NPAS2: variants seen among roughly 807,000 people sequenced by gnomAD.
NPAS2 encodes the protein neuronal PAS domain-containing protein 2.
Under a neutral mutation model 107.5 loss-of-function variants are expected in NPAS2, and 23 were observed. That is an observed-to-expected ratio of 0.21 (90% CI 0.15 to 0.30). The LOEUF (loss-of-function observed/expected upper bound fraction) is 0.30. Among genes scored for constraint, NPAS2 ranks in the 10% least tolerant of loss-of-function variants. The pLI is 1.00. For missense variants in NPAS2, 756 were observed against 1,043.3 expected (o/e 0.72, Z 3.79); for synonymous variants, 403 against 417.5 (o/e 0.97, Z 0.42).
intron 7 of NPAS2, among the ~76,000 whole-genome samples, chr2:100,960,186 C>T (rs1010441596): frequency 5.3e-5 from 8 of 152,120 alleles, no homozygotes; most frequent in African/African-American, 1.9e-4. Context: ...CAAGACAAAA[C>T]TTTCTCAGGG....
chr2:100,960,001 G>C (rs1008524733), intron 7 of NPAS2, among the ~76,000 whole-genome samples: 2 of 152,136 alleles, frequency 1.3e-5, no homozygotes, highest in African/African-American at 4.8e-5. Flanking sequence ...TCTACCACCT[G>C]AGATCTTCCT....
At chr2:100,850,011 T>TAAAAAAAAAAAAAA (rs58359292) in intron 1 of NPAS2, among the ~76,000 whole-genome samples, 2 of 56,216 alleles carry the variant, frequency 3.6e-5, no homozygotes, top group African/African-American at 1.6e-4. Flanking sequence ...ACTCTTTTTG[T>TAAAAAAAAAAAAAA]AAAAAAAAAA....
chr2:100,919,574 CTTTAAG>C (rs1249001080), intron 2 of NPAS2, among the ~76,000 whole-genome samples: 2 of 152,144 alleles, frequency 1.3e-5, no homozygotes, highest in African/African-American at 4.8e-5. Flanking sequence ...CTCACTTCCC[CTTTAAG>C]TTGGGTCCCT....
At chr2:100,879,930 C>A (rs1304033960) in intron 1 of NPAS2, among the ~76,000 whole-genome samples, 1 of 152,120 alleles carries the variant, frequency 6.6e-6, no homozygotes, top group Admixed American at 6.5e-5. Flanking sequence ...CACAGGGACA[C>A]CGGGCCCACT....
intron 2 of NPAS2, among the ~76,000 whole-genome samples, chr2:100,909,693 G>T (rs755482275): frequency 7.3e-5 from 11 of 151,436 alleles, no homozygotes; most frequent in Non-Finnish European, 1.6e-4. Flanking sequence ...GCTCCCACAC[G>T]GGGGGAAAAA....
rs187847337 is a variant in NPAS2, at chr2:100,975,596, G to A, written c.1392+29G>A. On this transcript the variant is annotated intron_variant, in intron 14 of 20. Coordinates refer to ENST00000335681, the MANE Select transcript of NPAS2 (RefSeq NM_002518.4). Reference sequence around the variant, plus strand: ...AGTGTGTGACCCCAAACTCCTCCACGGGTGTACGCTACAATGTGGTGGGGG... The same window carrying A: ...AGTGTGTGACCCCAAACTCCTCCACAGGTGTACGCTACAATGTGGTGGGGG... 3,690 of 1,520,562 alleles carry A rather than the reference G, an allele frequency of 2.4e-3. 41 individuals carry two copies. The African/African-American group carries it at 0.029, about 12-fold the overall frequency. 94.2% of individuals were successfully genotyped at this position (1,520,562 alleles called of 1,614,324 possible).
At chr2:100,821,202 A>C (rs971462919) in intron 1 of NPAS2, 59 of 1,302,902 alleles carry the variant, frequency 4.5e-5, no homozygotes, top group Non-Finnish European at 5.9e-5. Context: ...TGCTCAAGGT[A>C]AGAAAGTTTG....
chr2:100,966,052 AT>A (rs34848307), intron 10 of NPAS2, among the ~76,000 whole-genome samples: 1,878 of 148,306 alleles, frequency 0.013, 40 homozygotes, highest in African/African-American at 0.042. Flanking sequence ...TGATGCAGGG[AT>A]TTTTTTTTTT....
intron 1 of NPAS2, among the ~76,000 whole-genome samples, chr2:100,862,648 A>T (rs1679013174): frequency 6.6e-6 from 1 of 152,134 alleles, no homozygotes; most frequent in South Asian, 2.1e-4. Flanking sequence ...GGTTATCCAC[A>T]CGTACCATGG....
chr2:100,903,151 G>A (rs1681896275), intron 1 of NPAS2, among the ~76,000 whole-genome samples: 2 of 152,170 alleles, frequency 1.3e-5, no homozygotes, highest in Non-Finnish European at 2.9e-5. Context: ...TCTGTCCAGG[G>A]GCCCCTGGTA....
intron 2 of NPAS2, among the ~76,000 whole-genome samples, chr2:100,912,230 T>C (rs1682596387): frequency 9.5e-6 from 1 of 105,078 alleles, no homozygotes. Context: ...ATTTATTTAT[T>C]TATTTATTTA....
chr2:100,882,217 C>T (rs1680393676), intron 1 of NPAS2, among the ~76,000 whole-genome samples: 1 of 152,230 alleles, frequency 6.6e-6, no homozygotes, highest in Admixed American at 6.5e-5. Context: ...ATATCACCCC[C>T]AGGAAGGCGG....
chr2:100,849,898 G>A (rs892697615), intron 1 of NPAS2, among the ~76,000 whole-genome samples: 10 of 151,592 alleles, frequency 6.6e-5, no homozygotes, highest in African/African-American at 2.4e-4. Context: ...GTAATGGTCA[G>A]GGAAAGTGGT....
chr2:100,990,806 C>A lies in NPAS2; in HGVS notation c.2045C>A (p.Pro682His), dbSNP rs769666587. The A allele has an allele frequency of 1.9e-6, 3 of 1,614,108 alleles. No individual in the cohort carries two copies. The African/African-American group carries it at 4.0e-5, about 22-fold the overall frequency. The change falls in exon 19 of 21, where the codon CCC (proline) becomes CAC (histidine). Residue 682 changes from proline (P) to histidine (H), a missense_variant. Transcript: ENST00000335681. ...LRLLLSQPIQ[P>H]MMPGSCDARQ... ...CTGTTGCTGAGCCAGCCCATCCAGC[C>A]CATGATGCCCGGGTCCTGTGACGCA... is the stretch of plus-strand genomic sequence containing the variant.
chr2:100,880,977 C>T (rs565973529), intron 1 of NPAS2, among the ~76,000 whole-genome samples: 3 of 152,232 alleles, frequency 2.0e-5, no homozygotes, highest in South Asian at 2.1e-4. Flanking sequence ...GAGTGCCTGT[C>T]GGGTGCTGCA....
chr2:100,967,638 C>A (rs1216448955), intron 10 of NPAS2, among the ~76,000 whole-genome samples: 1 of 152,140 alleles, frequency 6.6e-6, no homozygotes, highest in Non-Finnish European at 1.5e-5. Flanking sequence ...CATTCTTCTT[C>A]CTTGGATCCG....
rs375858673 is a variant in NPAS2, at chr2:100,941,139, A to G, written c.363+3297A>G. On this transcript the variant is annotated intron_variant, in intron 5 of 20. Transcript: ENST00000335681. ...TCTCTCTGTTTCCTTCACACTGCCA[A>G]CATCTCAGATGTAACAGAAGCTCAT... 4.6e-5 allele frequency among the ~76,000 whole-genome samples: 7 copies of G among 152,338 alleles called. No homozygotes were observed. The East Asian group carries it at 9.6e-4, about 21-fold the overall frequency.
At position 100,990,451 on chromosome 2, in the gene NPAS2, G is replaced by A. The variant is rs371541824; in HGVS notation, c.2018+5G>A. ...CAGCCATGATCGGCAGCTCAGGTAC[G>A]AGACTGCCCTTGTTTAAAGGATAAC... is the stretch of plus-strand genomic sequence containing the variant. On this transcript the variant is annotated splice_donor_5th_base_variant and intron_variant, in intron 18 of 20. Coordinates refer to ENST00000335681, the MANE Select transcript of NPAS2 (RefSeq NM_002518.4). 5.8e-5 allele frequency: 94 copies of A among 1,613,762 alleles called. No individual in the cohort carries two copies. The highest frequency in any genetic ancestry group is 2.7e-4 in the African/African-American group (20 of 74,908).
intron 1 of NPAS2, among the ~76,000 whole-genome samples, chr2:100,879,372 T>C (rs575982673): frequency 1.3e-4 from 20 of 152,186 alleles, no homozygotes; most frequent in Admixed American, 4.6e-4. Flanking sequence ...AATATACTTA[T>C]TTAACAACAG....
Sources: allele counts gnomAD v4.1 joint callset (sites outside exome capture counted in the v4.1 genomes callset), GRCh38; gene constraint gnomAD v4.1.1; transcripts MANE v1.5; gene names NCBI Gene and HGNC (gene_info 2026-07-23, HGNC 2026-07-21).